The following USH2A variants were observed in gnomAD, a reference collection of about 807,000 sequenced individuals.
The protein encoded by USH2A is Usher syndrome 2A (autosomal recessive, mild).
USH2A carries 443 observed loss-of-function variants against 538.9 expected under a neutral mutation model. The ratio of observed to expected loss-of-function variants is 0.82; its 90% confidence interval spans 0.76 to 0.89. The LOEUF (loss-of-function observed/expected upper bound fraction) is 0.89. USH2A is among the 40% of genes least tolerant of loss of function. USH2A has a pLI of 0.00. For missense variants in USH2A, 6,633 were observed against 6,324.8 expected (o/e 1.05, Z -1.65); for synonymous variants, 2,413 against 2,273.5 (o/e 1.06, Z -1.75).
intron 11 of USH2A, among the ~76,000 whole-genome samples, chr1:216,276,585 C>T (rs752646141): frequency 3.3e-5 from 5 of 152,108 alleles, no homozygotes; most frequent in South Asian, 2.1e-4. Flanking sequence ...CCAGTGTACT[C>T]GTCTGTTTTC....
At chr1:216,314,489 C>T (rs1247910244) in intron 9 of USH2A, among the ~76,000 whole-genome samples, 1 of 151,464 alleles carries the variant, frequency 6.6e-6, no homozygotes, top group Non-Finnish European at 1.5e-5. Flanking sequence ...TGCGAACAAA[C>T]AGAGAAAAAA....
chr1:215,936,964 T>A (rs1263500673), intron 37 of USH2A, among the ~76,000 whole-genome samples: 1 of 152,106 alleles, frequency 6.6e-6, no homozygotes, highest in Non-Finnish European at 1.5e-5. Flanking sequence ...TACAAAAAGT[T>A]ATTTAAAAAG....
chr1:216,038,445 C>T (rs561114299), intron 32 of USH2A, among the ~76,000 whole-genome samples: 6 of 151,856 alleles, frequency 4.0e-5, no homozygotes, highest in Admixed American at 6.6e-5. Flanking sequence ...AATTGAAATC[C>T]TCACATTTTT....
chr1:216,000,571 T>G lies in USH2A; in HGVS notation c.6326-9A>C. On this transcript the variant is annotated splice_polypyrimidine_tract_variant and intron_variant, in intron 32 of 71. Transcript: ENST00000307340. ...TGTAAATACTGCTAAATCTAGGGGATAGGGAGAAACAAGAATTTACTCAGC... is the reference window on the plus strand; with the variant it reads ...TGTAAATACTGCTAAATCTAGGGGAGAGGGAGAAACAAGAATTTACTCAGC... 2.5e-6 allele frequency: 4 copies of G among 1,613,128 alleles called. No homozygotes were observed. In the South Asian group the frequency reaches 4.4e-5, roughly 18 times the overall value.
chr1:215,792,749 C>T (rs1323368549), intron 50 of USH2A, among the ~76,000 whole-genome samples: 2 of 152,180 alleles, frequency 1.3e-5, no homozygotes, highest in African/African-American at 2.4e-5. Context: ...CAATAACTTT[C>T]GACCCCTACC....
At chr1:216,368,891 G>A (rs148657507) in intron 3 of USH2A, among the ~76,000 whole-genome samples, 179 of 152,166 alleles carry the variant, frequency 1.2e-3, no homozygotes, top group African/African-American at 4.1e-3. Context: ...TTATTAATTT[G>A]GAGGGCCTCA....
chr1:215,865,443 T>C (rs1345069647), intron 44 of USH2A, among the ~76,000 whole-genome samples: 1 of 152,150 alleles, frequency 6.6e-6, no homozygotes, highest in Non-Finnish European at 1.5e-5. Flanking sequence ...ATAAAGGACC[T>C]ATATTGGTGG....
intron 44 of USH2A, among the ~76,000 whole-genome samples, chr1:215,866,732 C>A (rs1664479071): frequency 6.6e-6 from 1 of 152,160 alleles, no homozygotes; most frequent in Non-Finnish European, 1.5e-5. Flanking sequence ...GGCCCAAGAA[C>A]AATGTCAAAG....
intron 32 of USH2A, among the ~76,000 whole-genome samples, chr1:216,037,319 T>C (rs1339309223): frequency 6.6e-6 from 1 of 152,136 alleles, no homozygotes; most frequent in African/African-American, 2.4e-5. Context: ...AAGCTTTGGC[T>C]AACATTCTCA....
In USH2A at chr1:215,622,931, G is replaced by GAT. The variant is rs1038593901; in HGVS notation, c.*2848_*2849dup. ...ATATTTATTAAGCAAACCATCTTTA[G>GAT]ATTAGTTTACATGATATTTGTGCAT... On this transcript the variant is annotated 3_prime_UTR_variant, in exon 72 of 72. Transcript: ENST00000307340. 1.3e-5 allele frequency: 2 copies of GAT among 152,012 alleles called. No homozygotes were observed. Among genetic ancestry groups the GAT allele is most frequent in the African/African-American group, 2.4e-5 (1 of 41,398 alleles). 9.4% of individuals were successfully genotyped at this position (152,012 alleles called of 1,614,324 possible).
At chr1:216,210,056 C>T (rs141057447) in intron 15 of USH2A, among the ~76,000 whole-genome samples, 2 of 152,248 alleles carry the variant, frequency 1.3e-5, no homozygotes, top group African/African-American at 4.8e-5. Flanking sequence ...AGGAGTCCTG[C>T]CCCATGCCCT....
At chr1:215,934,589 A>G (rs1444144543) in intron 38 of USH2A, 27 bp downstream of exon 38, 1 of 1,606,732 alleles carries the variant, frequency 6.2e-7, no homozygotes. Flanking sequence ...ATATAAAATT[A>G]GATAGCCAAC....
chr1:216,396,061 A>C (rs2102753544), intron 3 of USH2A, among the ~76,000 whole-genome samples: 1 of 152,300 alleles, frequency 6.6e-6, no homozygotes, highest in East Asian at 1.9e-4. Context: ...GTGACAGTAC[A>C]TTCCTTATCA....
At chr1:215,780,482 C>T (rs1661601175) in intron 54 of USH2A, among the ~76,000 whole-genome samples, 1 of 152,180 alleles carries the variant, frequency 6.6e-6, no homozygotes, top group Non-Finnish European at 1.5e-5. Flanking sequence ...ATACAATATG[C>T]TTTGAACAGA....
chr1:216,231,898 A>C, intron 14 of USH2A, 55 bp downstream of exon 14: 1 of 1,610,190 alleles, frequency 6.2e-7, no homozygotes, highest in Non-Finnish European at 8.5e-7. Flanking sequence ...ACTGCCAAAA[A>C]AAGTTAACTG....
chr1:215,953,882 C>A lies in USH2A; in HGVS notation c.7120+11435G>T, dbSNP rs1333502501. 3.9e-5 allele frequency among the ~76,000 whole-genome samples: 6 copies of A among 152,110 alleles called. No homozygotes were observed. The East Asian group carries it at 1.2e-3, about 29-fold the overall frequency. ...AAATTTACAAGAAAAAAACAAACAA[C>A]CCCATCAAAAAGTGGGCAAAGGATA... is the stretch of plus-strand genomic sequence containing the variant. On this transcript the variant is annotated intron_variant, in intron 37 of 71. Transcript: ENST00000307340.
At chr1:216,115,729 C>A (rs1004795988) in intron 21 of USH2A, among the ~76,000 whole-genome samples, 4 of 151,528 alleles carry the variant, frequency 2.6e-5, no homozygotes, top group Admixed American at 2.6e-4. Context: ...TACATTTCAT[C>A]TATTACATAA....
At chr1:216,178,736 C>G (rs1421454440) in intron 20 of USH2A, among the ~76,000 whole-genome samples, 1 of 152,104 alleles carries the variant, frequency 6.6e-6, no homozygotes, top group Non-Finnish European at 1.5e-5. Flanking sequence ...AGGAAATGTT[C>G]TAGGACTGTA....
At chr1:216,283,543 G>C (rs1040849372) in intron 11 of USH2A, among the ~76,000 whole-genome samples, 1 of 152,020 alleles carries the variant, frequency 6.6e-6, no homozygotes, top group Non-Finnish European at 1.5e-5. Flanking sequence ...AATGTTATGG[G>C]ATATTGTTAT....
Sources: allele counts gnomAD v4.1 joint callset (sites outside exome capture counted in the v4.1 genomes callset), GRCh38; gene constraint gnomAD v4.1.1; transcripts MANE v1.5; gene names NCBI Gene and HGNC (gene_info 2026-07-23, HGNC 2026-07-21).